The following CENPF variants were observed in gnomAD, a reference collection of about 807,000 sequenced individuals.
CENPF encodes the protein centromere protein F.
In CENPF, 214 loss-of-function variants were observed where a neutral mutation model predicts 307.3. That is an observed-to-expected ratio of 0.70 (90% CI 0.62 to 0.78). The LOEUF is 0.78. CENPF is among the 30% of genes least tolerant of loss of function. The probability of loss-of-function intolerance (pLI) is 0.00; values close to 1 mark genes in which losing one functional copy is unlikely to be tolerated. For synonymous variants in CENPF, 1,259 were observed against 1,270.6 expected, an observed-to-expected ratio of 0.99 and a Z score of 0.19; for missense variants, 3,401 against 3,483.9, an observed-to-expected ratio of 0.98 and a Z score of 0.60.
intron 11 of CENPF, among the ~76,000 whole-genome samples, chr1:214,638,629 G>T (rs946658659): frequency 2.6e-5 from 4 of 152,072 alleles, no homozygotes; most frequent in Admixed American, 2.6e-4. Flanking sequence ...CTGTCCTGTG[G>T]AATGTGTGTC....
chr1:214,642,983 G>C lies in CENPF; in HGVS notation c.4645G>C (p.Val1549Leu). The change falls in exon 12 of 20, where the codon GTT becomes CTT. Residue 1549 changes from valine (V) to leucine (L), a missense_variant. Coordinates refer to ENST00000366955, the MANE Select transcript of CENPF (RefSeq NM_016343.4). ...AACCCCTTCGGCCCCAGCGAAGGGT[G>C]TTGAAGAGCTTGAGTCCCTCTGTGA... ...KETPSAPAKG[V>L]EELESLCEVY... The C allele has an allele frequency of 6.2e-7, 1 of 1,611,224 alleles. No individual in the cohort carries two copies. The highest frequency in any genetic ancestry group is 8.5e-7 in the Non-Finnish European group (1 of 1,179,186).
At chr1:214,621,318 G>T (rs1258455698) in intron 6 of CENPF, among the ~76,000 whole-genome samples, 1 of 152,202 alleles carries the variant, frequency 6.6e-6, no homozygotes, top group Non-Finnish European at 1.5e-5. Flanking sequence ...TTGGCCAGAG[G>T]TTGTGTGTGT....
rs1298386919 is a variant in CENPF at position 214,622,093 on chromosome 1, A to T, written c.880A>T (p.Ile294Phe). ...TGTGGTTCAAGAGCTAAGAAACAAG[A>T]TTAATGAGTTGGAACTACGCCTGCA... ...KAQNQELRNK[I>F]NELELRLQGH... The change falls in exon 7 of 20, where the codon ATT (isoleucine) becomes TTT (phenylalanine). Residue 294 changes from isoleucine to phenylalanine, a missense_variant. Coordinates refer to ENST00000366955, the MANE Select transcript of CENPF (RefSeq NM_016343.4). 6.2e-7 allele frequency: 1 copy of T among 1,613,672 alleles called. No individual in the cohort carries two copies. The highest frequency in any genetic ancestry group is 8.5e-7 in the Non-Finnish European group (1 of 1,179,858).
Position 214,641,363 on chromosome 1 carries a change from A to C in CENPF, c.3025A>C (p.Lys1009Gln). 2 of 1,609,708 alleles carry C rather than the reference A, an allele frequency of 1.2e-6. No individual in the cohort carries two copies. Among genetic ancestry groups the C allele is most frequent in the Non-Finnish European group, 1.7e-6 (2 of 1,178,986 alleles). Reference protein sequence around the residue: ...SFANYIDEREKSISELSDQYK... With the variant: ...SFANYIDEREQSISELSDQYK... Reference sequence around the variant, plus strand: ...TGCAAACTATATAGATGAAAGGGAGAAAAGCATTTCAGAGTTATCTGATCA... The same window carrying C: ...TGCAAACTATATAGATGAAAGGGAGCAAAGCATTTCAGAGTTATCTGATCA... The change falls in exon 12 of 20, where the codon AAA becomes CAA. Residue 1009 changes from lysine to glutamine, a missense_variant. Physicochemically the swap from Lys to Gln is moderately conservative, Grantham distance 53. Coordinates refer to ENST00000366955, the MANE Select transcript of CENPF (RefSeq NM_016343.4).
intron 10 of CENPF, among the ~76,000 whole-genome samples, chr1:214,634,635 C>T (rs2102552360): frequency 6.6e-6 from 1 of 152,314 alleles, no homozygotes; most frequent in East Asian, 1.9e-4. Flanking sequence ...TATTGCAGTC[C>T]AACACCTGCC....
chr1:214,642,376 T>TA lies in CENPF; in HGVS notation c.4042dup (p.Ile1348AsnfsTer4), dbSNP rs1658148613. ...AGGTAGGGAAACTACTAAATGAAGT[T>TA]AAAATATTAAATGATGACAGTGGTC... On this transcript the variant is annotated frameshift_variant, in exon 12 of 20. Transcript: ENST00000366955. LOFTEE classifies it high-confidence loss of function. 1 of 1,610,966 alleles carries TA rather than the reference T, an allele frequency of 6.2e-7. No homozygotes were observed. The highest frequency in any genetic ancestry group is 1.7e-5 in the Admixed American group (1 of 59,546).
intron 19 of CENPF, among the ~76,000 whole-genome samples, chr1:214,661,098 C>G (rs986279947): frequency 1.6e-4 from 24 of 152,208 alleles, no homozygotes; most frequent in African/African-American, 5.8e-4. Context: ...GCTAGGGGGC[C>G]TGCTCTCCTC....
rs34322009 is a variant in CENPF, at chr1:214,651,946, C to CTT, written c.8160+71_8160+72dup. 0.092 allele frequency: 106,499 copies of CTT among 1,160,990 alleles called. 3,199 individuals are homozygous for CTT. The highest frequency in any genetic ancestry group is 0.31 in the African/African-American group (19,238 of 61,918). The allele number at this position is 1,160,990 out of a possible 1,614,324, so 71.9% of individuals were successfully genotyped here. A position where few individuals can be genotyped will look rare whatever the true frequency, so the allele number is the denominator to read the frequency against. On this transcript the variant is annotated intron_variant, in intron 15 of 19. Transcript: ENST00000366955. ...AGAGTGTATTTTGATCATGGTAAGG[C>CTT]TTTTTTTTTTTTCCAAAAAAAATCA... is the stretch of plus-strand genomic sequence containing the variant.
intron 10 of CENPF, among the ~76,000 whole-genome samples, chr1:214,636,841 C>T (rs977887716): frequency 1.3e-5 from 2 of 152,114 alleles, no homozygotes; most frequent in African/African-American, 4.8e-5. Flanking sequence ...TTTTTCCCCG[C>T]TTGAGGATGT....
At position 214,631,076 on chromosome 1, in the gene CENPF, G is replaced by C. The variant is rs114377933; in HGVS notation, c.1323+414G>C. Among the ~76,000 whole-genome samples the C allele has an allele frequency of 1.3e-5, 2 of 152,136 alleles. 1 individual carries two copies. Among genetic ancestry groups the C allele is most frequent in the African/African-American group, 4.8e-5 (2 of 41,436 alleles). ...TGTGATGATGACTCTACCCAGCCTG[G>C]ATGTCTATTCTAGACTTCAGGTGTG... On this transcript the variant is annotated intron_variant, in intron 9 of 19. Coordinates refer to ENST00000366955, the MANE Select transcript of CENPF (RefSeq NM_016343.4).
At chr1:214,656,805 A>G (rs995861950) in intron 17 of CENPF, 128 bp from the exon 18 acceptor site, 1 of 640,006 alleles carries the variant, frequency 1.6e-6, no homozygotes. Context: ...ATATACAGAT[A>G]TATCTCCCCA....
intron 1 of CENPF, chr1:214,608,512 G>A: frequency 1.2e-6 from 2 of 1,612,086 alleles, no homozygotes; most frequent in Non-Finnish European, 1.7e-6. Context: ...CGTGTACCTG[G>A]CACCAGTCAC....
chr1:214,610,934 G>A (rs903792410), intron 1 of CENPF, among the ~76,000 whole-genome samples: 1 of 152,182 alleles, frequency 6.6e-6, no homozygotes, highest in African/African-American at 2.4e-5. Flanking sequence ...TTATTGAATA[G>A]GGAATCCTTT....
At chr1:214,644,254 A>G (rs926448493) in intron 12 of CENPF, among the ~76,000 whole-genome samples, 1 of 152,248 alleles carries the variant, frequency 6.6e-6, no homozygotes, top group Non-Finnish European at 1.5e-5. Flanking sequence ...AGGCTACCTG[A>G]ATATTCTTAG....
In CENPF at chr1:214,646,040, A is replaced by C. The variant is rs763872165; in HGVS notation, c.6470A>C (p.Glu2157Ala). 8.1e-6 allele frequency: 13 copies of C among 1,613,984 alleles called. No homozygotes were observed. The highest frequency in any genetic ancestry group is 1.0e-5 in the Non-Finnish European group (12 of 1,180,036). ...AATGATTCACTTAAGGATAAAGTTG[A>C]GAACCTTGAAAGGGAATTGCAGATG... ...RENDSLKDKV[E>A]NLERELQMSE... Residue 2157 changes from glutamate to alanine, a missense_variant, in exon 13 of 20, where the codon GAG (glutamate) becomes GCG (alanine). Glu to Ala is a moderately radical substitution (Grantham distance 107, BLOSUM62 -1). Coordinates refer to ENST00000366955, the MANE Select transcript of CENPF (RefSeq NM_016343.4).
In CENPF at chr1:214,641,449, G is replaced by A. The variant is rs760864824; in HGVS notation, c.3111G>A (p.Glu1037=). The A allele has an allele frequency of 4.8e-5, 74 of 1,550,094 alleles. No individual in the cohort carries two copies. Among genetic ancestry groups the A allele is most frequent in the Non-Finnish European group, 6.1e-5 (71 of 1,157,092 alleles). Residue 1037 remains glutamate (E), a synonymous_variant, in exon 12 of 20, where the codon GAG becomes GAA. Transcript: ENST00000366955. ...QRCEETGNAY[E]DLSQKYKAAQ... ...GTGAAGAAACCGGAAATGCATATGA[G>A]GATCTTAGTCAAAAATACAAAGCAG... is the stretch of plus-strand genomic sequence containing the variant.
intron 10 of CENPF, among the ~76,000 whole-genome samples, chr1:214,633,354 A>T (rs1156790471): frequency 6.6e-6 from 1 of 152,260 alleles, no homozygotes; most frequent in Non-Finnish European, 1.5e-5. Flanking sequence ...GGGCTTAATT[A>T]AGAACCATTC....
chr1:214,630,427 G>A, intron 8 of CENPF, 107 bp from the exon 9 acceptor site: 1 of 1,358,608 alleles, frequency 7.4e-7, no homozygotes, highest in South Asian at 1.4e-5. Context: ...GCTCCCTGCT[G>A]TCTCCTGTGC....
At position 214,642,440 on chromosome 1, in the gene CENPF, G is replaced by C. The variant is rs146963558; in HGVS notation, c.4102G>C (p.Glu1368Gln). The C allele has an allele frequency of 9.4e-6, 15 of 1,595,574 alleles. No homozygotes were observed. The highest frequency in any genetic ancestry group is 4.0e-5 in the African/African-American group (3 of 74,406). The change falls in exon 12 of 20, where the codon GAA (glutamate) becomes CAA (glutamine). Residue 1368 changes from glutamate to glutamine, a missense_variant. Transcript: ENST00000366955. ...GTTAGTGGAAGACATACCAGGAGGTGAATTTGGTGAACAACCAAATGAACA... is the reference window on the plus strand; with the variant it reads ...GTTAGTGGAAGACATACCAGGAGGTCAATTTGGTGAACAACCAAATGAACA... Reference protein sequence around the residue: ...GELVEDIPGGEFGEQPNEQHP... With the variant: ...GELVEDIPGGQFGEQPNEQHP...
Sources: allele counts gnomAD v4.1 joint callset (sites outside exome capture counted in the v4.1 genomes callset), GRCh38; gene constraint gnomAD v4.1.1; transcripts MANE v1.5; gene names NCBI Gene and HGNC (gene_info 2026-07-23, HGNC 2026-07-21).